PLSCR2: variants seen among roughly 807,000 people sequenced by gnomAD.
PLSCR2 encodes the protein phospholipid scramblase 2.
PLSCR2 carries 18 observed loss-of-function variants against 25.3 expected under a neutral mutation model. That is an observed-to-expected ratio of 0.71 (90% CI 0.49 to 1.06). The LOEUF is 1.06. Ranked by LOEUF, PLSCR2 falls within the 50% of genes least tolerant of loss-of-function variation. The pLI, the probability that PLSCR2 is intolerant of heterozygous loss-of-function variation, is 0.00. For synonymous variants in PLSCR2, 88 were observed against 87.3 expected (o/e 1.01, Z -0.04); for missense variants, 243 against 269.5 (o/e 0.90, Z 0.69).
chr3:146,484,515 A>C (rs533070307), intron 1 of PLSCR2, among the ~76,000 whole-genome samples: 57 of 152,114 alleles, frequency 3.7e-4, no homozygotes, highest in Non-Finnish European at 7.4e-4. Context: ...GAAATGAAGG[A>C]AATACTGTTA....
intron 1 of PLSCR2, among the ~76,000 whole-genome samples, chr3:146,481,407 G>A (rs2043125021): frequency 6.6e-6 from 1 of 152,138 alleles, no homozygotes; most frequent in African/African-American, 2.4e-5. Flanking sequence ...AAATCAATGT[G>A]CAAAAATCAC....
chr3:146,469,216 T>C, intron 1 of PLSCR2: 1 of 985,538 alleles, frequency 1.0e-6, no homozygotes, highest in Non-Finnish European at 1.2e-6. Flanking sequence ...GCTCTCTACC[T>C]GTAAAGCAGT....
chr3:146,483,485 A>ACACACG (rs2043225902), intron 1 of PLSCR2, among the ~76,000 whole-genome samples: 1 of 85,664 alleles, frequency 1.2e-5, no homozygotes, highest in African/African-American at 5.1e-5. Context: ...ATGTGTATAT[A>ACACACG]TATATATATA....
chr3:146,395,883 A>G, exon 3 of PLSCR2: 1 of 311,572 alleles, frequency 3.2e-6, no homozygotes, highest in Non-Finnish European at 6.4e-6. Flanking sequence ...ACTGTTTTGA[A>G]ATCTTTCCAA....
intron 2 of PLSCR2, among the ~76,000 whole-genome samples, chr3:146,411,460 C>T (rs150316968): frequency 6.6e-6 from 1 of 152,172 alleles, no homozygotes; most frequent in African/African-American, 2.4e-5. Flanking sequence ...GTAGTCAATC[C>T]GCTCTCCTCC....
intron 2 of PLSCR2, among the ~76,000 whole-genome samples, chr3:146,422,267 G>C (rs2039178660): frequency 6.6e-6 from 1 of 152,058 alleles, no homozygotes; most frequent in African/African-American, 2.4e-5. Context: ...GATAATTCAA[G>C]TCTCCAGGGT....
intron 1 of PLSCR2, among the ~76,000 whole-genome samples, chr3:146,488,949 G>T (rs1384646034): frequency 6.6e-6 from 1 of 151,948 alleles, no homozygotes; most frequent in Admixed American, 6.6e-5. Context: ...TGGATAAAAA[G>T]AATATGGTAT....
intron 5 of PLSCR2, among the ~76,000 whole-genome samples, chr3:146,450,378 C>A (rs1241017394): frequency 1.3e-5 from 2 of 152,128 alleles, no homozygotes; most frequent in Non-Finnish European, 1.5e-5. Flanking sequence ...TGAAAAGGTT[C>A]TTTTTAAAAA....
intron 2 of PLSCR2, among the ~76,000 whole-genome samples, chr3:146,412,290 T>C (rs1352304805): frequency 1.3e-5 from 2 of 152,134 alleles, no homozygotes; most frequent in Non-Finnish European, 2.9e-5. Context: ...CCACTGAGCA[T>C]TGCCCTAGTG....
At chr3:146,460,301 C>T (rs2041492461) in exon 1 of PLSCR2, 1 of 1,037,608 alleles carries the variant, frequency 9.6e-7, no homozygotes, top group Admixed American at 4.0e-5. Context: ...ATAGAGTCGG[C>T]CTAGAGCTTT....
At chr3:146,481,719 GA>G (rs1404196506) in intron 1 of PLSCR2, among the ~76,000 whole-genome samples, 2 of 152,088 alleles carry the variant, frequency 1.3e-5, no homozygotes, top group African/African-American at 4.8e-5. Context: ...CACAGAGTTG[GA>G]AAAAACTACT....
At chr3:146,472,045 A>G (rs2042136478) in intron 1 of PLSCR2, among the ~76,000 whole-genome samples, 1 of 152,006 alleles carries the variant, frequency 6.6e-6, no homozygotes, top group Non-Finnish European at 1.5e-5. Flanking sequence ...TTCTTCCTTT[A>G]CGTCTATTCC....
chr3:146,431,668 G>A (rs1421308645), downstream of PLSCR2, among the ~76,000 whole-genome samples: 1 of 152,096 alleles, frequency 6.6e-6, no homozygotes, highest in African/African-American at 2.4e-5. Flanking sequence ...TATCTCCAAG[G>A]AGCAAACATG....
chr3:146,443,733 GTTT>G (rs1029447588), intron 6 of PLSCR2, among the ~76,000 whole-genome samples: 8 of 150,926 alleles, frequency 5.3e-5, no homozygotes, highest in Non-Finnish European at 5.9e-5. Context: ...ATCTTTTTGT[GTTT>G]TTTTATTTCA....
chr3:146,481,716 T>C (rs1419187788), intron 1 of PLSCR2, among the ~76,000 whole-genome samples: 5 of 151,998 alleles, frequency 3.3e-5, no homozygotes, highest in Non-Finnish European at 5.9e-5. Context: ...CTTCACAGAG[T>C]TGGAAAAAAC....
intron 1 of PLSCR2, among the ~76,000 whole-genome samples, chr3:146,483,699 C>T (rs1285189607): frequency 6.6e-6 from 1 of 150,606 alleles, no homozygotes. Flanking sequence ...AGAAGAGGGG[C>T]CTGACTGTTG....
At chr3:146,441,719 C>T, downstream of PLSCR2, 1 of 1,021,106 alleles carries the variant, frequency 9.8e-7, no homozygotes, top group Non-Finnish European at 1.5e-6. Context: ...TTAGATAATC[C>T]TAATCAACAC....
chr3:146,407,772 T>G (rs2038706392), intron 2 of PLSCR2, among the ~76,000 whole-genome samples: 1 of 152,156 alleles, frequency 6.6e-6, no homozygotes, highest in South Asian at 2.1e-4. Context: ...CTGAGGTGTT[T>G]GCTGGTAAAG....
At chr3:146,425,745 A>G (rs2039321187) in intron 2 of PLSCR2, among the ~76,000 whole-genome samples, 1 of 152,202 alleles carries the variant, frequency 6.6e-6, no homozygotes, top group African/African-American at 2.4e-5. Context: ...TAAATAATAC[A>G]TCATCATGAG....
Sources: gnomAD v4.1 joint callset for allele counts (sites outside exome capture counted in the v4.1 genomes callset) on GRCh38, gnomAD v4.1.1 for gene constraint, MANE v1.5 for transcripts, NCBI Gene and HGNC (gene_info 2026-07-23, HGNC 2026-07-21) for gene names.